PDCD1LG2: variants seen among roughly 807,000 people sequenced by gnomAD.
PDCD1LG2 encodes the protein B7 dendritic cell molecule.
In PDCD1LG2, 32 loss-of-function variants were observed where a neutral mutation model predicts 28.2. That is an observed-to-expected ratio of 1.13 (90% CI 0.86 to 1.52). The LOEUF is 1.52. Among genes scored for constraint, PDCD1LG2 ranks in the 40% most tolerant of loss-of-function variants. PDCD1LG2 has a pLI of 0.00. For synonymous variants in PDCD1LG2, 116 were observed against 120.2 expected (o/e 0.97, Z 0.23); for missense variants, 385 against 323.8 (o/e 1.19, Z -1.45).
At chr9:5,515,263 A>T (rs1820135137) in intron 1 of PDCD1LG2, among the ~76,000 whole-genome samples, 1 of 152,228 alleles carries the variant, frequency 6.6e-6, no homozygotes, top group South Asian at 2.1e-4. Context: ...ACATATTTAG[A>T]AAACACAAGT....
intron 2 of PDCD1LG2, among the ~76,000 whole-genome samples, chr9:5,533,907 G>C (rs1442128937): frequency 6.6e-6 from 1 of 150,532 alleles, no homozygotes; most frequent in Non-Finnish European, 1.5e-5. Context: ...ACCTAGCACA[G>C]TGCCTGGCAT....
intron 6 of PDCD1LG2, among the ~76,000 whole-genome samples, chr9:5,568,205 T>G (rs889562452): frequency 6.6e-6 from 1 of 152,206 alleles, no homozygotes. Context: ...CCATATCATA[T>G]TTGTCCCTAC....
intron 2 of PDCD1LG2, among the ~76,000 whole-genome samples, chr9:5,524,022 A>T (rs1009540986): frequency 1.3e-5 from 2 of 152,224 alleles, no homozygotes; most frequent in African/African-American, 4.8e-5. Context: ...ACTAGCTCCC[A>T]GTTAGGTATA....
At position 5,563,193 on chromosome 9, in the gene PDCD1LG2, G is replaced by C. The variant is rs1289651154; in HGVS notation, c.798G>C (p.Lys266Asn). 1 of 1,612,656 alleles carries C rather than the reference G, an allele frequency of 6.2e-7. No homozygotes were observed. The highest frequency in any genetic ancestry group is 8.5e-7 in the Non-Finnish European group (1 of 1,178,860). The change falls in exon 6 of 7, where the codon AAG (lysine) becomes AAC (asparagine). Residue 266 changes from lysine (K) to asparagine (N), a missense_variant. Physicochemically the swap from Lys to Asn is moderately conservative, Grantham distance 94. Coordinates refer to ENST00000397747, the MANE Select transcript of PDCD1LG2 (RefSeq NM_025239.4). ...CAAAAAGACCTGTCACCACAACAAA[G>C]AGGGAAGTGAACAGTGCTGTGAGTA... is the stretch of plus-strand genomic sequence containing the variant. ...DTTKRPVTTT[K>N]REVNSAI
Position 5,525,034 on chromosome 9 carries a change from T to C in PDCD1LG2, c.55+2433T>C, listed in dbSNP as rs148168334. 4.8e-3 allele frequency among the ~76,000 whole-genome samples: 735 copies of C among 152,354 alleles called. 7 individuals are homozygous for C. Among genetic ancestry groups the C allele is most frequent in the African/African-American group, 0.016 (666 of 41,576 alleles). On this transcript the variant is annotated intron_variant, in intron 2 of 6. Transcript: ENST00000397747. ...TTAGTACCCTATCAGTGCACATTTC[T>C]TTTCTATTTTTAAATTTTAAAAATA...
At chr9:5,531,407 G>A (rs914806319) in intron 2 of PDCD1LG2, among the ~76,000 whole-genome samples, 1 of 152,160 alleles carries the variant, frequency 6.6e-6, no homozygotes, top group Non-Finnish European at 1.5e-5. Flanking sequence ...ATTAGACCAA[G>A]TAACAATTAA....
intron 3 of PDCD1LG2, among the ~76,000 whole-genome samples, chr9:5,537,585 T>C (rs1486658939): frequency 6.6e-6 from 1 of 152,204 alleles, no homozygotes; most frequent in Non-Finnish European, 1.5e-5. Context: ...CGTAGGGACA[T>C]GGATGAAGCT....
At chr9:5,541,539 G>C (rs546424191) in intron 3 of PDCD1LG2, among the ~76,000 whole-genome samples, 19 of 152,104 alleles carry the variant, frequency 1.2e-4, no homozygotes, top group Admixed American at 9.2e-4. Context: ...ACACAAATCA[G>C]TAGCTCTGCT....
At chr9:5,528,359 T>C (rs938917637) in intron 2 of PDCD1LG2, among the ~76,000 whole-genome samples, 1 of 151,432 alleles carries the variant, frequency 6.6e-6, no homozygotes, top group South Asian at 2.1e-4. Context: ...TGGAATACAG[T>C]GGTATAATCA....
At position 5,534,732 on chromosome 9, in the gene PDCD1LG2, G is replaced by C; in HGVS notation, c.56-13G>C. 1 of 1,577,348 alleles carries C rather than the reference G, an allele frequency of 6.3e-7. No homozygotes were observed. Among genetic ancestry groups the C allele is most frequent in the Non-Finnish European group, 8.6e-7 (1 of 1,158,396 alleles). ...AAGGCAGACAATGACAAAATATCTT[G>C]TTTTCTTTTCAGCTTTATTCACAGT... On this transcript the variant is annotated splice_polypyrimidine_tract_variant and intron_variant, in intron 2 of 6. Transcript: ENST00000397747.
chr9:5,539,382 C>T (rs1378261700), intron 3 of PDCD1LG2, among the ~76,000 whole-genome samples: 3 of 152,156 alleles, frequency 2.0e-5, no homozygotes, highest in African/African-American at 7.2e-5. Context: ...AGAAGAAGGA[C>T]ATGTTTTTAT....
chr9:5,563,118 T>A, intron 5 of PDCD1LG2, 44 bp from the exon 6 acceptor site: 1 of 1,459,890 alleles, frequency 6.8e-7, no homozygotes, highest in South Asian at 1.2e-5. Context: ...GCCAAACAGT[T>A]TTCTCATTAA....
At chr9:5,516,760 G>C (rs1820173442) in intron 1 of PDCD1LG2, among the ~76,000 whole-genome samples, 1 of 152,202 alleles carries the variant, frequency 6.6e-6, no homozygotes, top group South Asian at 2.1e-4. Flanking sequence ...TGCCTGGCCG[G>C]GTTGTGACAG....
intron 1 of PDCD1LG2, among the ~76,000 whole-genome samples, chr9:5,512,381 C>T (rs945856617): frequency 6.6e-6 from 1 of 152,156 alleles, no homozygotes; most frequent in Non-Finnish European, 1.5e-5. Flanking sequence ...CTCTAACACA[C>T]CTGTGGGCTG....
chr9:5,530,865 CCTT>C (rs1197744494), intron 2 of PDCD1LG2, among the ~76,000 whole-genome samples: 1 of 152,190 alleles, frequency 6.6e-6, no homozygotes, highest in Non-Finnish European at 1.5e-5. Context: ...ATCACCGTGA[CCTT>C]CTTAAAATGC....
chr9:5,525,286 A>C lies in PDCD1LG2; in HGVS notation c.55+2685A>C, dbSNP rs1047877639. 2.6e-5 allele frequency among the ~76,000 whole-genome samples: 4 copies of C among 151,712 alleles called. No individual in the cohort carries two copies. The South Asian group carries it at 8.3e-4, about 32-fold the overall frequency. On this transcript the variant is annotated intron_variant, in intron 2 of 6. Transcript: ENST00000397747. ...CTTGAACCCAGGAGGCAGAGGTTGCAGTGAGCTAAGATCATGTCACTGTAT... is the reference window on the plus strand; with the variant it reads ...CTTGAACCCAGGAGGCAGAGGTTGCCGTGAGCTAAGATCATGTCACTGTAT...
intron 1 of PDCD1LG2, among the ~76,000 whole-genome samples, chr9:5,521,633 G>C (rs1820276821): frequency 6.6e-6 from 1 of 151,998 alleles, no homozygotes; most frequent in Admixed American, 6.6e-5. Context: ...CCAAAGCTTA[G>C]TTGTCTCTTA....
chr9:5,516,590 C>A (rs779284443), intron 1 of PDCD1LG2, among the ~76,000 whole-genome samples: 10 of 152,222 alleles, frequency 6.6e-5, no homozygotes, highest in African/African-American at 9.6e-5. Context: ...ACATGCTGTC[C>A]ATGATGCCCA....
At chr9:5,514,772 GAAAAAAAAAAA>G (rs60002651) in intron 1 of PDCD1LG2, among the ~76,000 whole-genome samples, 1,169 of 62,446 alleles carry the variant, frequency 0.019, 14 homozygotes, top group Non-Finnish European at 0.029. Context: ...AGTCTCTAAA[GAAAAAAAAAAA>G]AAAAAAAAAA....
Sources: allele counts gnomAD v4.1 joint callset (sites outside exome capture counted in the v4.1 genomes callset), GRCh38; gene constraint gnomAD v4.1.1; transcripts MANE v1.5; gene names NCBI Gene and HGNC (gene_info 2026-07-23, HGNC 2026-07-21).